Variants in CNTN6 observed in about 807,000 individuals in gnomAD.
The protein encoded by CNTN6 is contactin 6.
A neutral mutation model predicts 122.8 loss-of-function variants in CNTN6; 137 were observed. The observed-to-expected ratio is 1.12, with a 90% CI of 0.97 to 1.29. The LOEUF is 1.29. Among genes scored for constraint, CNTN6 ranks in the 50% most tolerant of loss-of-function variants. The pLI, the probability that CNTN6 is intolerant of heterozygous loss-of-function variation, is 0.00. For missense variants in CNTN6, 1,634 were observed against 1,223.4 expected (o/e 1.34, Z -5.01); for synonymous variants, 570 against 426.0 (o/e 1.34, Z -4.16).
At chr3:1,389,442 C>T (rs761453187) in intron 20 of CNTN6, among the ~76,000 whole-genome samples, 4,728 of 152,038 alleles carry the variant, frequency 0.031, 104 homozygotes, top group South Asian at 0.055. Flanking sequence ...CAACCGGTAC[C>T]AGCCGCTGCA....
chr3:1,125,673 C>T (rs866082751), intron 1 of CNTN6, among the ~76,000 whole-genome samples: 1 of 151,276 alleles, frequency 6.6e-6, no homozygotes, highest in Non-Finnish European at 1.5e-5. Flanking sequence ...CTAGATGCAC[C>T]AAGTTTTAGT....
Position 1,372,324 on chromosome 3 carries a change from T to C in CNTN6, c.1518T>C (p.Pro506=). 6.2e-7 allele frequency: 1 copy of C among 1,610,698 alleles called. No homozygotes were observed. ...AGAGAACTGTCATTACCGTCCCACC[T>C]TCCAAAATGGATGTTACAGTTGGCG... The part of the protein sequence containing the change: ...VKERTVITVP[P]SKMDVTVGES... Residue 506 remains proline, a synonymous_variant, in exon 13 of 23, where the codon CCT becomes CCC. Coordinates refer to ENST00000446702, the MANE Select transcript of CNTN6 (RefSeq NM_001289080.2).
chr3:1,274,596 C>T (rs1455004108), intron 4 of CNTN6, among the ~76,000 whole-genome samples: 1 of 152,210 alleles, frequency 6.6e-6, no homozygotes, highest in East Asian at 1.9e-4. Context: ...GATTGAAAAG[C>T]AATGTTTACA....
Position 1,245,219 on chromosome 3 carries a change from T to TATATATAAC in CNTN6, c.358+17233_358+17234insACATATATA, listed in dbSNP as rs1559595089. On this transcript the variant is annotated intron_variant, in intron 4 of 22. Coordinates refer to ENST00000446702, the MANE Select transcript of CNTN6 (RefSeq NM_001289080.2). ...TGTGATATATATATATATATATATA[T>TATATATAAC]ATATATATATATATATACACACACA... Among the ~76,000 whole-genome samples the TATATATAAC allele has an allele frequency of 8.1e-3, 188 of 23,096 alleles. 26 individuals carry two copies. The highest frequency in any genetic ancestry group is 0.015 in the African/African-American group (51 of 3,364). 15.2% of individuals were successfully genotyped at this position (23,096 alleles called of 152,430 possible).
At chr3:1,095,018 A>G (rs1460046494) in intron 1 of CNTN6, among the ~76,000 whole-genome samples, 1 of 152,146 alleles carries the variant, frequency 6.6e-6, no homozygotes, top group Non-Finnish European at 1.5e-5. Flanking sequence ...CATTGGAGAC[A>G]TACTGGTGCC....
intron 4 of CNTN6, among the ~76,000 whole-genome samples, chr3:1,266,277 A>G (rs111247505): frequency 6.6e-6 from 1 of 152,184 alleles, no homozygotes; most frequent in African/African-American, 2.4e-5. Context: ...GAGCTGGAGA[A>G]AGCTACAAAG....
Position 1,098,289 on chromosome 3 carries a change from T to C in CNTN6, c.-83+5169T>C, listed in dbSNP as rs540645431. ...AAAGAGAAAGGGTATATTTGATTTTTTGATTATAAAAGCAATGAACAGAAA... is the reference window on the plus strand; with the variant it reads ...AAAGAGAAAGGGTATATTTGATTTTCTGATTATAAAAGCAATGAACAGAAA... On this transcript the variant is annotated intron_variant, in intron 1 of 22. Transcript: ENST00000446702. Among the ~76,000 whole-genome samples the C allele has an allele frequency of 4.6e-5, 7 of 152,126 alleles. No homozygotes were observed. In the South Asian group the frequency reaches 1.5e-3, roughly 32 times the overall value.
At chr3:1,355,796 A>T (rs1318767429) in intron 12 of CNTN6, among the ~76,000 whole-genome samples, 1 of 151,816 alleles carries the variant, frequency 6.6e-6, no homozygotes, top group Non-Finnish European at 1.5e-5. Context: ...CATGCAAGAA[A>T]TGTTGTTGTT....
intron 12 of CNTN6, among the ~76,000 whole-genome samples, chr3:1,364,314 G>T (rs192397265): frequency 9.9e-4 from 151 of 151,916 alleles, no homozygotes; most frequent in African/African-American, 3.5e-3. Flanking sequence ...ACTTAATATT[G>T]ATTTCTTAGC....
At chr3:1,309,449 G>A (rs373863298) in intron 7 of CNTN6, among the ~76,000 whole-genome samples, 9 of 152,200 alleles carry the variant, frequency 5.9e-5, no homozygotes, top group African/African-American at 1.9e-4. Context: ...ATTTGTATAG[G>A]TCTATTACCG....
At chr3:1,242,940 G>T (rs1306135918) in intron 4 of CNTN6, among the ~76,000 whole-genome samples, 1 of 152,144 alleles carries the variant, frequency 6.6e-6, no homozygotes, top group African/African-American at 2.4e-5. Flanking sequence ...TGAAAAGAAG[G>T]TAATGTGGAG....
chr3:1,266,020 GTTT>G (rs369400317), intron 4 of CNTN6, among the ~76,000 whole-genome samples: 2 of 141,920 alleles, frequency 1.4e-5, no homozygotes, highest in Admixed American at 7.1e-5. Flanking sequence ...AGTTAAAGGT[GTTT>G]TTTTTTTTGC....
chr3:1,136,496 A>T (rs746370698), intron 1 of CNTN6, among the ~76,000 whole-genome samples: 12 of 152,188 alleles, frequency 7.9e-5, no homozygotes, highest in Non-Finnish European at 1.8e-4. Context: ...CTGGAGAGAT[A>T]CAGAAATCCT....
At chr3:1,233,178 CT>C (rs2094374740) in intron 4 of CNTN6, among the ~76,000 whole-genome samples, 1 of 152,186 alleles carries the variant, frequency 6.6e-6, no homozygotes, top group South Asian at 2.1e-4. Context: ...ATATTCCACA[CT>C]CAGTATGACA....
intron 4 of CNTN6, among the ~76,000 whole-genome samples, chr3:1,270,090 G>A (rs2094998087): frequency 6.6e-6 from 1 of 152,112 alleles, no homozygotes; most frequent in Non-Finnish European, 1.5e-5. Context: ...GTCGTGTTGT[G>A]TTACTGAGTT....
intron 2 of CNTN6, among the ~76,000 whole-genome samples, chr3:1,220,019 T>G (rs1394173): frequency 0.74 from 111,319 of 151,382 alleles, 42,378 homozygotes; most frequent in African/African-American, 0.93. Flanking sequence ...AAAAAGAAAA[T>G]AAAAAAGAAA....
At chr3:1,270,944 C>T (rs34745760) in intron 4 of CNTN6, among the ~76,000 whole-genome samples, 1 of 152,104 alleles carries the variant, frequency 6.6e-6, no homozygotes, top group African/African-American at 2.4e-5. Flanking sequence ...ACTCTGTCAC[C>T]CAGGCTAGAG....
intron 9 of CNTN6, 46 bp from the exon 10 acceptor site, chr3:1,327,411 G>T: frequency 3.2e-6 from 5 of 1,571,992 alleles, no homozygotes; most frequent in Non-Finnish European, 4.4e-6. Flanking sequence ...TTAAGAGAAT[G>T]CTATATTAAC....
intron 2 of CNTN6, among the ~76,000 whole-genome samples, chr3:1,160,961 T>G (rs1350624492): frequency 6.6e-6 from 1 of 152,028 alleles, no homozygotes; most frequent in Non-Finnish European, 1.5e-5. Flanking sequence ...TACTTCCAAA[T>G]TATTTTAGAA....
Sources: allele counts gnomAD v4.1 joint callset (sites outside exome capture counted in the v4.1 genomes callset), GRCh38; gene constraint gnomAD v4.1.1; transcripts MANE v1.5; gene names NCBI Gene and HGNC (gene_info 2026-07-23, HGNC 2026-07-21).